AHCYL1: variants seen among roughly 807,000 people sequenced by gnomAD.
AHCYL1 encodes the protein adenosylhomocysteinase like 1.
A neutral mutation model predicts 79.3 loss-of-function variants in AHCYL1; 20 were observed. The observed-to-expected ratio is 0.25, with a 90% CI of 0.18 to 0.37. The LOEUF is 0.37. Among genes scored for constraint, AHCYL1 ranks in the 10% least tolerant of loss-of-function variants. AHCYL1 has a pLI of 1.00. For synonymous variants in AHCYL1, 223 were observed against 242.2 expected (o/e 0.92, Z 0.74); for missense variants, 330 against 673.6 (o/e 0.49, Z 5.65).
At chr1:110,015,964 A>G (rs1479749921) in intron 7 of AHCYL1, among the ~76,000 whole-genome samples, 3 of 152,076 alleles carry the variant, frequency 2.0e-5, no homozygotes, top group African/African-American at 7.2e-5. Context: ...TCTTGGGGGC[A>G]CATTGCGCAT....
Position 110,020,739 on chromosome 1 carries a change from G to A in AHCYL1, c.1474G>A (p.Val492Ile). 2 of 1,612,034 alleles carry A rather than the reference G, an allele frequency of 1.2e-6. No individual in the cohort carries two copies. Among genetic ancestry groups the A allele is most frequent in the East Asian group, 2.2e-5 (1 of 44,726 alleles). The change falls in exon 16 of 17, where the codon GTT becomes ATT. Residue 492 changes from valine (V) to isoleucine (I), a missense_variant. Coordinates refer to ENST00000369799, the MANE Select transcript of AHCYL1 (RefSeq NM_006621.7). ...CACTTTGCTCTTCCTAGATGAATAC[G>A]TTGCCAGCTTGCATCTGCCATCATT... ...YLLPKKMDEY[V>I]ASLHLPSFDA...
At chr1:110,016,635 C>T (rs773175602) in intron 8 of AHCYL1, 32 bp from the exon 9 acceptor site, 5 of 1,613,210 alleles carry the variant, frequency 3.1e-6, no homozygotes, top group East Asian at 4.5e-5. Flanking sequence ...GAGCTATTAA[C>T]GTTTGAGTTG....
At chr1:109,990,128 C>T (rs1310897089) in intron 1 of AHCYL1, among the ~76,000 whole-genome samples, 2 of 152,152 alleles carry the variant, frequency 1.3e-5, no homozygotes, top group Admixed American at 6.5e-5. Flanking sequence ...TTTAACTTCC[C>T]GTTTCTGTTC....
At chr1:110,000,195 AAG>A (rs1423849823) in intron 1 of AHCYL1, among the ~76,000 whole-genome samples, 1 of 152,216 alleles carries the variant, frequency 6.6e-6, no homozygotes, top group African/African-American at 2.4e-5. Context: ...AAAGAGGAAA[AAG>A]AAAAAATCAG....
chr1:109,995,688 T>C, intron 1 of AHCYL1: 7 of 985,372 alleles, frequency 7.1e-6, no homozygotes, highest in Non-Finnish European at 8.4e-6. Context: ...TCTCATTCTG[T>C]GGAAGGAGAA....
chr1:109,995,242 C>T (rs11588387), intron 1 of AHCYL1, among the ~76,000 whole-genome samples: 8,957 of 152,240 alleles, frequency 0.059, 319 homozygotes, highest in Non-Finnish European at 0.08. Flanking sequence ...AGATTAGTTT[C>T]GGCCCTTGCA....
intron 7 of AHCYL1, 130 bp from the exon 8 acceptor site, chr1:110,016,214 T>A: frequency 1.6e-6 from 1 of 632,476 alleles, no homozygotes; most frequent in East Asian, 2.7e-5. Context: ...TTTTCTAATA[T>A]CCTTGGGCAA....
chr1:110,010,000 A>G (rs1241738406), intron 2 of AHCYL1, among the ~76,000 whole-genome samples: 2 of 152,242 alleles, frequency 1.3e-5, no homozygotes, highest in Non-Finnish European at 2.9e-5. Flanking sequence ...TACCTTTTGC[A>G]TTGTATTATC....
chr1:110,015,619 C>G, intron 7 of AHCYL1, 88 bp downstream of exon 7: 1 of 1,041,650 alleles, frequency 9.6e-7, no homozygotes, highest in Non-Finnish European at 1.5e-6. Flanking sequence ...GTGTTTCAGA[C>G]TTATAACTAA....
intron 1 of AHCYL1, among the ~76,000 whole-genome samples, chr1:110,007,705 TA>T (rs1419610156): frequency 6.6e-6 from 1 of 152,220 alleles, no homozygotes; most frequent in Non-Finnish European, 1.5e-5. Flanking sequence ...GAGTATTTGC[TA>T]AAGACTTAGC....
intron 3 of AHCYL1, among the ~76,000 whole-genome samples, chr1:110,011,883 G>A (rs903578129): frequency 6.6e-6 from 1 of 152,194 alleles, no homozygotes; most frequent in Non-Finnish European, 1.5e-5. Context: ...CTCTTGTGTT[G>A]TTTACACATT....
chr1:109,999,242 A>G (rs1375589773), intron 1 of AHCYL1, among the ~76,000 whole-genome samples: 1 of 152,194 alleles, frequency 6.6e-6, no homozygotes, highest in East Asian at 1.9e-4. Context: ...GCTAGTTAAT[A>G]TATCCATCAC....
intron 1 of AHCYL1, chr1:110,000,980 A>C: frequency 1.0e-6 from 1 of 984,308 alleles, no homozygotes; most frequent in South Asian, 4.7e-5. Flanking sequence ...CTTGGTGTCC[A>C]CCCTACTAGT....
intron 1 of AHCYL1, among the ~76,000 whole-genome samples, chr1:109,988,084 G>T (rs548228277): frequency 2.8e-4 from 43 of 152,198 alleles, no homozygotes; most frequent in Admixed American, 2.6e-3. Context: ...TAACCTCGAG[G>T]GCTAAGATAG....
intron 3 of AHCYL1, 101 bp downstream of exon 3, chr1:110,011,458 T>C (rs771674883): frequency 6.7e-7 from 1 of 1,500,054 alleles, no homozygotes; most frequent in Non-Finnish European, 9.1e-7. Flanking sequence ...GAAAGTGTAC[T>C]GGGAAGAAAG....
intron 1 of AHCYL1, chr1:109,995,670 T>C: frequency 1.0e-6 from 1 of 985,446 alleles, no homozygotes. Context: ...ATTTCTTAGA[T>C]CAGCACTTCT....
chr1:109,989,072 G>A (rs946640112), intron 1 of AHCYL1, among the ~76,000 whole-genome samples: 1 of 152,252 alleles, frequency 6.6e-6, no homozygotes, highest in Non-Finnish European at 1.5e-5. Context: ...TAGAGTGGCT[G>A]CTGTTGTAGT....
At chr1:110,014,109 C>G (rs1042172762) in intron 5 of AHCYL1, among the ~76,000 whole-genome samples, 3 of 152,152 alleles carry the variant, frequency 2.0e-5, no homozygotes, top group Non-Finnish European at 4.4e-5. Context: ...CCGGACCTCT[C>G]ATCTTTTTAA....
chr1:110,001,190 AT>A (rs1158727985), intron 1 of AHCYL1, among the ~76,000 whole-genome samples: 7,358 of 146,870 alleles, frequency 0.05, 567 homozygotes, highest in African/African-American at 0.16. Context: ...TACAAAATTA[AT>A]TTTTTTTTTT....
Sources: gnomAD v4.1 joint callset for allele counts (sites outside exome capture counted in the v4.1 genomes callset) on GRCh38, gnomAD v4.1.1 for gene constraint, MANE v1.5 for transcripts, NCBI Gene and HGNC (gene_info 2026-07-23, HGNC 2026-07-21) for gene names.